Variants in PDE8B observed in about 807,000 individuals in gnomAD.
PDE8B encodes the protein high affinity cAMP-specific and IBMX-insensitive 3',5'-cyclic phosphodiesterase 8B.
In PDE8B, 26 loss-of-function variants were observed where a neutral mutation model predicts 101.3. That is an observed-to-expected ratio of 0.26 (90% CI 0.19 to 0.36). The LOEUF (loss-of-function observed/expected upper bound fraction) is 0.36. Ranked by LOEUF, PDE8B falls within the 10% of genes least tolerant of loss-of-function variation. The pLI is 1.00. For synonymous variants in PDE8B, 424 were observed against 429.3 expected (o/e 0.99, Z 0.15); for missense variants, 810 against 1,163.1 (o/e 0.70, Z 4.42).
intron 17 of PDE8B, among the ~76,000 whole-genome samples, chr5:77,417,504 CACA>C (rs1026311796): frequency 4.6e-5 from 7 of 152,200 alleles, no homozygotes; most frequent in Non-Finnish European, 7.3e-5. Flanking sequence ...AAATTCCTAG[CACA>C]ACATCTCTTA....
At chr5:77,158,028 AAGGGGCT>A in the PDE8B span, among the ~76,000 whole-genome samples, 1 of 152,202 alleles carries the variant, frequency 6.6e-6, no homozygotes, top group Non-Finnish European at 1.5e-5. Flanking sequence ...CCACCCAGTG[AAGGGGCT>A]ACCTTTATCC....
chr5:77,293,486 A>G (rs1457160397), intron 1 of PDE8B, among the ~76,000 whole-genome samples: 3 of 152,086 alleles, frequency 2.0e-5, no homozygotes, highest in Admixed American at 6.5e-5. Context: ...ATCTCATTCC[A>G]TTTATTTCAG....
At chr5:77,349,980 G>C (rs565732080) in intron 8 of PDE8B, among the ~76,000 whole-genome samples, 91 of 152,084 alleles carry the variant, frequency 6.0e-4, no homozygotes, top group Non-Finnish European at 1.2e-3. Context: ...TCTGATCGCT[G>C]TTCAACATAC....
At chr5:77,179,290 T>A in the PDE8B span, among the ~76,000 whole-genome samples, 1 of 152,242 alleles carries the variant, frequency 6.6e-6, no homozygotes, top group African/African-American at 2.4e-5. Context: ...TTTCTGCCAT[T>A]AGAAATCTCA....
chr5:77,187,234 G>A, the PDE8B span, among the ~76,000 whole-genome samples: 49,041 of 152,110 alleles, frequency 0.32, 8,591 homozygotes, highest in Non-Finnish European at 0.39. Flanking sequence ...AGGAAATAGA[G>A]CATGGGGATA....
intron 10 of PDE8B, among the ~76,000 whole-genome samples, chr5:77,374,843 T>C (rs1785753575): frequency 6.6e-6 from 1 of 152,250 alleles, no homozygotes; most frequent in Non-Finnish European, 1.5e-5. Flanking sequence ...TCCTTCACTC[T>C]GTCTCTGGCT....
At chr5:77,160,188 A>G in the PDE8B span, among the ~76,000 whole-genome samples, 1 of 152,180 alleles carries the variant, frequency 6.6e-6, no homozygotes, top group African/African-American at 2.4e-5. Context: ...AAAGAGCTGA[A>G]AGTGCCTTTT....
intron 1 of PDE8B, among the ~76,000 whole-genome samples, chr5:77,282,374 T>C (rs1765179134): frequency 6.6e-6 from 1 of 152,000 alleles, no homozygotes; most frequent in Non-Finnish European, 1.5e-5. Context: ...AACCCTGAGT[T>C]TCCAGGCAAT....
chr5:77,097,685 T>TTATATATATATATATATA, the PDE8B span, among the ~76,000 whole-genome samples: 14 of 18,130 alleles, frequency 7.7e-4, 2 homozygotes, highest in Non-Finnish European at 1.3e-3. Context: ...TGTGGAGATT[T>TTATATATATATATATATA]TATATATCTA....
At chr5:77,150,950 G>A in the PDE8B span, among the ~76,000 whole-genome samples, 2 of 152,204 alleles carry the variant, frequency 1.3e-5, no homozygotes, top group Non-Finnish European at 2.9e-5. Flanking sequence ...TGTGTGTTTT[G>A]CTTTGAAGGG....
chr5:77,287,869 A>G (rs1479562), intron 1 of PDE8B, among the ~76,000 whole-genome samples: 2,702 of 152,208 alleles, frequency 0.018, 88 homozygotes, highest in African/African-American at 0.062. Flanking sequence ...TAATTCTTTG[A>G]ACATATTTTC....
chr5:77,297,833 C>T (rs1768941902), intron 1 of PDE8B, among the ~76,000 whole-genome samples: 1 of 152,178 alleles, frequency 6.6e-6, no homozygotes, highest in African/African-American at 2.4e-5. Context: ...CATCGGTCTT[C>T]ACTTGGCTCA....
intron 16 of PDE8B, among the ~76,000 whole-genome samples, chr5:77,412,903 G>C (rs1434640958): frequency 6.6e-6 from 1 of 152,156 alleles, no homozygotes; most frequent in Non-Finnish European, 1.5e-5. Flanking sequence ...TAATTTGGAT[G>C]TACTACCATG....
intron 10 of PDE8B, 73 bp from the exon 11 acceptor site, chr5:77,400,171 ATTGT>A (rs1791951730): frequency 1.2e-5 from 12 of 1,005,668 alleles, no homozygotes; most frequent in Non-Finnish European, 1.9e-5. Context: ...TTTTAACTAA[ATTGT>A]TTGATGAGAA....
At chr5:77,305,751 G>A (rs1157893363) in intron 1 of PDE8B, among the ~76,000 whole-genome samples, 8 of 152,204 alleles carry the variant, frequency 5.3e-5, no homozygotes, top group Non-Finnish European at 1.2e-4. Context: ...CACATATTGA[G>A]ATCATTAAAT....
chr5:77,401,611 T>C (rs1280761599), intron 11 of PDE8B, among the ~76,000 whole-genome samples: 3 of 152,206 alleles, frequency 2.0e-5, no homozygotes, highest in East Asian at 1.9e-4. Context: ...GAGACAATTA[T>C]TTAAAGTACA....
rs760965908 is a variant in PDE8B at position 77,211,256 on chromosome 5, A to T, written c.331A>T (p.Ser111Cys). Residue 111 changes from serine to cysteine, a missense_variant, in exon 1 of 22, where the codon AGC becomes TGC. Ser to Cys is a moderately radical substitution (Grantham distance 112). Coordinates refer to ENST00000264917, the MANE Select transcript of PDE8B (RefSeq NM_003719.5). The surrounding 1 kb of genome is among the most constrained non-coding windows in gnomAD (Gnocchi z 4.1). ...GGCCGAGACTCAGACCTGCTACACCAGCGTGAAGGTAAATGCCCCGCGCTG... is the reference window on the plus strand; with the variant it reads ...GGCCGAGACTCAGACCTGCTACACCTGCGTGAAGGTAAATGCCCCGCGCTG... ...AEAETQTCYT[S>C]VKQVSSAEVR... 1 of 1,570,464 alleles carries T rather than the reference A, an allele frequency of 6.4e-7. No individual in the cohort carries two copies. Among genetic ancestry groups the T allele is most frequent in the South Asian group, 1.1e-5 (1 of 87,180 alleles).
rs143424084 is a variant in PDE8B, at chr5:77,214,749, G to A, written c.339+3485G>A. ...TCAGTGTTTTGGAGTCAAACTTTAC[G>A]CAAGAATCACCTAGAGAGCTTGTTA... On this transcript the variant is annotated intron_variant, in intron 1 of 21. Transcript: ENST00000264917. Among the ~76,000 whole-genome samples the A allele has an allele frequency of 3.9e-5, 6 of 152,004 alleles. 1 individual carries two copies. In the South Asian group the frequency reaches 1.0e-3, roughly 26 times the overall value.
At chr5:77,196,531 A>G in the PDE8B span, among the ~76,000 whole-genome samples, 23,091 of 152,200 alleles carry the variant, frequency 0.15, 2,252 homozygotes, top group East Asian at 0.45. Flanking sequence ...TTTTTGGGAT[A>G]AAAACCGCTT....
Sources: gnomAD v4.1 joint callset for allele counts (sites outside exome capture counted in the v4.1 genomes callset) on GRCh38, gnomAD v4.1.1 for gene constraint, Gnocchi (gnomAD v3.1) non-coding constraint, MANE v1.5 for transcripts, NCBI Gene and HGNC (gene_info 2026-07-23, HGNC 2026-07-21) for gene names.